The following CSF3R variants were observed in gnomAD, a reference collection of about 807,000 sequenced individuals.
CSF3R encodes colony stimulating factor 3 receptor.
Under a neutral mutation model 84.4 loss-of-function variants are expected in CSF3R, and 52 were observed. The observed-to-expected ratio is 0.62, with a 90% confidence interval of 0.49 to 0.78. The LOEUF is 0.78. Ranked by LOEUF, CSF3R falls within the 30% of genes least tolerant of loss-of-function variation. The probability of loss-of-function intolerance (pLI) is 0.00; values close to 1 mark genes in which losing one functional copy is unlikely to be tolerated. For missense variants in CSF3R, 890 were observed against 1,055.7 expected (o/e 0.84, Z 2.17); for synonymous variants, 384 against 429.1 (o/e 0.89, Z 1.30).
At chr1:36,475,230 C>T in intron 4 of CSF3R, 147 bp downstream of exon 4, 1 of 972,084 alleles carries the variant, frequency 1.0e-6, no homozygotes, top group South Asian at 1.3e-5. Context: ...TGATCATGAA[C>T]TCCTGACCTC....
chr1:36,473,264 C>T (rs1452692733), intron 6 of CSF3R, 171 bp downstream of exon 6: 1 of 692,886 alleles, frequency 1.4e-6, no homozygotes. Context: ...GGGTCTGTGT[C>T]CCCATTTCTC....
At chr1:36,469,319 G>A (rs1650552559) in intron 11 of CSF3R, 62 bp from the exon 12 acceptor site, 1 of 1,313,448 alleles carries the variant, frequency 7.6e-7, no homozygotes, top group East Asian at 2.3e-5. Context: ...ATGATCAGGA[G>A]CTAGCCTCAG....
Position 36,467,566 on chromosome 1 carries a change from G to A in CSF3R, c.1950C>T (p.Cys650=). The A allele has an allele frequency of 6.2e-7, 1 of 1,614,042 alleles. No homozygotes were observed. The highest frequency in any genetic ancestry group is 8.5e-7 in the Non-Finnish European group (1 of 1,179,920). ...TCLCGTAWLC[C]SPNRKNPLWP... ...CTCTCAAAGGGACTCACTTGGGGCT[G>A]CAACAGAGCCAGGCAGTTCCACAGA... is the stretch of plus-strand genomic sequence containing the variant. Residue 650 remains cysteine (C), a synonymous_variant, in exon 15 of 17, where the codon TGC becomes TGT. Transcript: ENST00000373106. The surrounding 1 kb of genome is among the most constrained non-coding windows in gnomAD (Gnocchi z 4.1).
intron 3 of CSF3R, 39 bp from the exon 4 acceptor site, chr1:36,475,712 C>CCCAGCTCTG: frequency 6.3e-7 from 1 of 1,583,358 alleles, no homozygotes; most frequent in Non-Finnish European, 8.6e-7. Flanking sequence ...GACGCCTCTG[C>CCCAGCTCTG]CTAGCAGAGC....
At chr1:36,477,139 A>G (rs1423052438) in intron 3 of CSF3R, 37 of 152,158 alleles carry the variant, frequency 2.4e-4, no homozygotes, top group Admixed American at 2.4e-3. Context: ...GAGTCTTATG[A>G]TTATTTACTT....
In CSF3R at chr1:36,467,725, G is replaced by C. The variant is rs1374541920; in HGVS notation, c.1865-74C>G. On this transcript the variant is annotated intron_variant, in intron 14 of 16. Coordinates refer to ENST00000373106, the MANE Select transcript of CSF3R (RefSeq NM_000760.4). The surrounding 1 kb of genome is among the most constrained non-coding windows in gnomAD (Gnocchi z 4.1). ...CTGGGTCTCCTCCCTCCGACCAGGG[G>C]ATTCAAAGTCAGTCCCCAGCTACTC... 9 of 1,611,574 alleles carry C rather than the reference G, an allele frequency of 5.6e-6. No individual in the cohort carries two copies. In the East Asian group the frequency reaches 2.0e-4, roughly 36 times the overall value.
intron 4 of CSF3R, 148 bp from the exon 5 acceptor site, chr1:36,474,035 GGA>G: frequency 8.1e-7 from 1 of 1,237,726 alleles, no homozygotes; most frequent in Non-Finnish European, 1.2e-6. Context: ...GAGTGGCTCT[GGA>G]AGGGCAGCCC....
intron 10 of CSF3R, among the ~76,000 whole-genome samples, chr1:36,470,455 G>A (rs1385005713): frequency 6.6e-6 from 1 of 152,196 alleles, no homozygotes; most frequent in Non-Finnish European, 1.5e-5. Context: ...AAAGTGCTGG[G>A]ATTACAGGCG....
chr1:36,480,617 T>C (rs2124156228), intron 2 of CSF3R, among the ~76,000 whole-genome samples: 1 of 152,332 alleles, frequency 6.6e-6, no homozygotes, highest in Non-Finnish European at 1.5e-5. Context: ...GAATCGCTGG[T>C]CAGCTTGCAC....
intron 10 of CSF3R, 92 bp from the exon 11 acceptor site, chr1:36,469,932 T>A: frequency 7.1e-7 from 1 of 1,401,750 alleles, no homozygotes. Context: ...CTTTGCTATT[T>A]ACAGGCTGGG....
chr1:36,477,842 G>A (rs1651256882), intron 3 of CSF3R, among the ~76,000 whole-genome samples: 2 of 151,376 alleles, frequency 1.3e-5, no homozygotes, highest in African/African-American at 2.4e-5. Flanking sequence ...TACTGCAAGC[G>A]CCGCCTGCTG....
rs1158550189 is a variant in CSF3R, at chr1:36,466,162, CT to C, written c.*194del. The C allele has an allele frequency of 2.5e-6, 4 of 1,614,106 alleles. No individual in the cohort carries two copies. Among genetic ancestry groups the C allele is most frequent in the Non-Finnish European group, 3.4e-6 (4 of 1,180,052 alleles). ...TGGGTGGGGCTGGATGGAGCATGAT[CT>C]GGTCCTTAAAGTATGCAGATCGCCT... is the stretch of plus-strand genomic sequence containing the variant. On this transcript the variant is annotated 3_prime_UTR_variant, in exon 17 of 17. Transcript: ENST00000373106. The surrounding 1 kb of genome is among the most constrained non-coding windows in gnomAD (Gnocchi z 4.6).
chr1:36,480,719 C>T (rs1651466630), intron 2 of CSF3R, among the ~76,000 whole-genome samples: 1 of 152,218 alleles, frequency 6.6e-6, no homozygotes, highest in African/African-American at 2.4e-5. Context: ...TTCTCTTCCT[C>T]CCAGACAGAG....
At position 36,472,885 on chromosome 1, in the gene CSF3R, G is replaced by T; in HGVS notation, c.674-199C>A. The T allele has an allele frequency of 3.2e-6, 2 of 618,640 alleles. No homozygotes were observed. The highest frequency in any genetic ancestry group is 2.7e-6 in the Non-Finnish European group (1 of 375,498). 38.3% of individuals were successfully genotyped at this position (618,640 alleles called of 1,614,324 possible). On this transcript the variant is annotated intron_variant, in intron 6 of 16. Coordinates refer to ENST00000373106, the MANE Select transcript of CSF3R (RefSeq NM_000760.4). This position sits in a 1 kb window ranked among gnomAD's most constrained non-coding sequence, Gnocchi z 5.0. ...TTGCCCCAGGGCCTTTGCACTGGTT[G>T]TTACTTCTGCTTGAAATGTTTTCCC...
At chr1:36,468,886 A>G in intron 12 of CSF3R, 1 of 467,980 alleles carries the variant, frequency 2.1e-6, no homozygotes, top group Non-Finnish European at 4.0e-6. Flanking sequence ...TGTTACATAT[A>G]ACACCTTATT....
intron 3 of CSF3R, among the ~76,000 whole-genome samples, chr1:36,478,696 ACAAC>A (rs779071015): frequency 6.5e-5 from 9 of 138,984 alleles, no homozygotes; most frequent in South Asian, 4.7e-4. Flanking sequence ...AAAAAATACA[ACAAC>A]AAAAAAAAAT....
intron 12 of CSF3R, chr1:36,468,568 C>G (rs1437100953): frequency 4.3e-6 from 1 of 230,186 alleles, no homozygotes; most frequent in Non-Finnish European, 8.7e-6. Flanking sequence ...GGGTCTCGCT[C>G]TGTCACCCAG....
At chr1:36,475,946 T>C in intron 3 of CSF3R, 1 of 410,670 alleles carries the variant, frequency 2.4e-6, no homozygotes, top group Admixed American at 4.0e-5. Context: ...GTGTAAGTGC[T>C]CTCACTGTAG....
At position 36,467,560 on chromosome 1, in the gene CSF3R, G is replaced by C; in HGVS notation, c.1956C>G (p.Pro652=). The C allele has an allele frequency of 6.2e-7, 1 of 1,613,900 alleles. No individual in the cohort carries two copies. The highest frequency in any genetic ancestry group is 8.5e-7 in the Non-Finnish European group (1 of 1,179,826). The change falls in exon 15 of 17, where the codon CCC becomes CCG. Residue 652 remains proline (P), a splice_region_variant and synonymous_variant. Coordinates refer to ENST00000373106, the MANE Select transcript of CSF3R (RefSeq NM_000760.4). The surrounding 1 kb of genome is among the most constrained non-coding windows in gnomAD (Gnocchi z 4.1). ...TCAGGTCTCTCAAAGGGACTCACTTGGGGCTGCAACAGAGCCAGGCAGTTC... is the reference window on the plus strand; with the variant it reads ...TCAGGTCTCTCAAAGGGACTCACTTCGGGCTGCAACAGAGCCAGGCAGTTC... ...LCGTAWLCCS[P]NRKNPLWPSV...
Sources: gnomAD v4.1 joint callset for allele counts (sites outside exome capture counted in the v4.1 genomes callset) on GRCh38, gnomAD v4.1.1 for gene constraint, Gnocchi (gnomAD v3.1) non-coding constraint, MANE v1.5 for transcripts, NCBI Gene and HGNC (gene_info 2026-07-23, HGNC 2026-07-21) for gene names.